Variants in TBC1D2B observed in about 807,000 individuals in gnomAD.
The protein encoded by TBC1D2B is TBC1 domain family, member 2B.
Under a neutral mutation model 100.8 loss-of-function variants are expected in TBC1D2B, and 64 were observed. The ratio of observed to expected loss-of-function variants is 0.64; its 90% confidence interval spans 0.52 to 0.78. TBC1D2B has a LOEUF of 0.78. TBC1D2B is among the 30% of genes least tolerant of loss of function. The pLI is 0.00. For missense variants in TBC1D2B, 1,052 were observed against 1,218.4 expected, an observed-to-expected ratio of 0.86 and a Z score of 2.03; for synonymous variants, 480 against 479.7, an observed-to-expected ratio of 1.00 and a Z score of -0.01.
chr15:78,077,696 G>A lies in TBC1D2B; in HGVS notation c.-44C>T, dbSNP rs1416703486. 8 of 982,154 alleles carry A rather than the reference G, an allele frequency of 8.1e-6. No homozygotes were observed. The highest frequency in any genetic ancestry group is 9.6e-6 in the Non-Finnish European group (8 of 829,492). 60.8% of individuals were successfully genotyped at this position (982,154 alleles called of 1,614,324 possible). A position where few individuals can be genotyped will look rare whatever the true frequency, so the allele number is the denominator to read the frequency against. ...GTAGGCGCCCGCGCCCTGCGCCTCC[G>A]CGCCGCGGCCGCTGCGCCCCCTACC... On this transcript the variant is annotated 5_prime_UTR_variant, in exon 1 of 13. Transcript: ENST00000300584.
chr15:78,069,971 C>A (rs1357306542), intron 1 of TBC1D2B, among the ~76,000 whole-genome samples: 1 of 152,212 alleles, frequency 6.6e-6, no homozygotes, highest in Non-Finnish European at 1.5e-5. Flanking sequence ...TTTTTCACAG[C>A]AGCACAAATG....
At chr15:78,070,034 C>A (rs1413550074) in intron 1 of TBC1D2B, among the ~76,000 whole-genome samples, 2 of 152,194 alleles carry the variant, frequency 1.3e-5, no homozygotes, top group Non-Finnish European at 2.9e-5. Flanking sequence ...ACCTATTTGT[C>A]AAACCCTGCT....
intron 4 of TBC1D2B, among the ~76,000 whole-genome samples, chr15:78,028,532 C>G (rs995402526): frequency 1.3e-5 from 2 of 152,172 alleles, no homozygotes; most frequent in Non-Finnish European, 2.9e-5. Flanking sequence ...GGCAAAAAGG[C>G]TGATGGAGAA....
chr15:78,039,878 A>G (rs1344909811), intron 3 of TBC1D2B, among the ~76,000 whole-genome samples: 1 of 152,060 alleles, frequency 6.6e-6, no homozygotes, highest in African/African-American at 2.4e-5. Flanking sequence ...GGATTCCAAA[A>G]CCTGGGCTGA....
intron 9 of TBC1D2B, 69 bp from the exon 10 acceptor site, chr15:78,009,183 C>A: frequency 8.6e-7 from 1 of 1,164,142 alleles, no homozygotes. Flanking sequence ...TCCACAGAGA[C>A]CATCTGCTTT....
intron 1 of TBC1D2B, among the ~76,000 whole-genome samples, chr15:78,071,389 T>C (rs966091810): frequency 9.2e-5 from 14 of 152,258 alleles, no homozygotes; most frequent in African/African-American, 3.1e-4. Context: ...ATTCTGTGGT[T>C]GTTTCTGTAC....
At chr15:78,053,996 C>T in intron 2 of TBC1D2B, 38 bp downstream of exon 2, 3 of 1,586,204 alleles carry the variant, frequency 1.9e-6, no homozygotes, top group Non-Finnish European at 8.5e-7. Flanking sequence ...ATGGCTTACA[C>T]AAAGAACTGA....
intron 6 of TBC1D2B, among the ~76,000 whole-genome samples, chr15:78,023,193 A>G (rs1483079517): frequency 2.6e-5 from 4 of 152,194 alleles, no homozygotes; most frequent in African/African-American, 9.7e-5. Context: ...CTCCATCCAG[A>G]GCCAAACACC....
chr15:77,995,279 C>G lies in TBC1D2B; in HGVS notation c.*2881G>C, dbSNP rs757643992. On this transcript the variant is annotated 3_prime_UTR_variant, in exon 13 of 13. Coordinates refer to ENST00000300584, the MANE Select transcript of TBC1D2B (RefSeq NM_144572.2). ...GGATCTGTGCAATACAAACATGTAGCTAGAAAACCCAACCGAGGATCTGTC... is the reference window on the plus strand; with the variant it reads ...GGATCTGTGCAATACAAACATGTAGGTAGAAAACCCAACCGAGGATCTGTC... 6.6e-6 allele frequency: 1 copy of G among 152,244 alleles called. No homozygotes were observed. The highest frequency in any genetic ancestry group is 1.5e-5 in the Non-Finnish European group (1 of 68,058). The allele number at this position is 152,244 out of a possible 1,614,324, so 9.4% of individuals were successfully genotyped here.
At chr15:78,028,243 G>A (rs1320209102) in intron 4 of TBC1D2B, among the ~76,000 whole-genome samples, 1 of 152,146 alleles carries the variant, frequency 6.6e-6, no homozygotes, top group African/African-American at 2.4e-5. Context: ...GGGAGACCGA[G>A]GTGGACAAAT....
chr15:78,077,157 G>A (rs2073841706), intron 1 of TBC1D2B, 136 bp downstream of exon 1: 2 of 1,203,822 alleles, frequency 1.7e-6, no homozygotes, highest in Non-Finnish European at 2.2e-6. Flanking sequence ...GGGATGTGGA[G>A]AAGCAGGGAA....
intron 1 of TBC1D2B, 27 bp downstream of exon 1, chr15:78,077,266 G>T: frequency 7.1e-7 from 1 of 1,407,894 alleles, no homozygotes; most frequent in Non-Finnish European, 9.2e-7. Context: ...GGAAGCGCGC[G>T]GGCGGCTTTG....
At chr15:78,057,504 G>A (rs1475146919) in intron 1 of TBC1D2B, among the ~76,000 whole-genome samples, 1 of 152,184 alleles carries the variant, frequency 6.6e-6, no homozygotes, top group Non-Finnish European at 1.5e-5. Context: ...AAATTAGCCA[G>A]GCGTGGTGGT....
Position 78,030,108 on chromosome 15 carries a change from T to A in TBC1D2B, c.746A>T (p.Tyr249Phe). 6.2e-7 allele frequency: 1 copy of A among 1,613,868 alleles called. No homozygotes were observed. The highest frequency in any genetic ancestry group is 8.5e-7 in the Non-Finnish European group (1 of 1,179,790). ...GHNDSRRTVF[Y>F]TNEEWELLDP... is the part of the protein sequence containing the mutation. The stretch of plus-strand genomic sequence containing the variant: ...TAAAAGTTCCCACTCTTCATTGGTA[T>A]AAAACACAGTCCTCCGACTATCATT... Residue 249 changes from tyrosine to phenylalanine, a missense_variant, in exon 4 of 13, where the codon TAT (tyrosine) becomes TTT (phenylalanine). Tyr to Phe is a conservative substitution (Grantham distance 22). Coordinates refer to ENST00000300584, the MANE Select transcript of TBC1D2B (RefSeq NM_144572.2).
rs143687516 is a variant in TBC1D2B, at chr15:78,022,889, T to C, written c.1470+1267A>G. On this transcript the variant is annotated intron_variant, in intron 6 of 12. Transcript: ENST00000300584. ...AAATAGTAGATATAAGTGTAAAGTATTGAGACCAGAGGTTTTCTTGTTGTT... is the reference window on the plus strand; with the variant it reads ...AAATAGTAGATATAAGTGTAAAGTACTGAGACCAGAGGTTTTCTTGTTGTT... Among the ~76,000 whole-genome samples the C allele has an allele frequency of 2.0e-5, 3 of 152,294 alleles. No individual in the cohort carries two copies. The East Asian group carries it at 5.8e-4, about 29-fold the overall frequency.
intron 3 of TBC1D2B, among the ~76,000 whole-genome samples, chr15:78,043,721 T>G (rs2073136385): frequency 6.6e-6 from 1 of 152,182 alleles, no homozygotes; most frequent in Admixed American, 6.5e-5. Flanking sequence ...GCCATTTATA[T>G]GAAATGTCCA....
rs2072772878 is a variant in TBC1D2B, at chr15:78,030,132, T to C, written c.722A>G (p.Asn241Ser). The change falls in exon 4 of 13, where the codon AAT (asparagine) becomes AGT (serine). Residue 241 changes from asparagine (N) to serine (S), a missense_variant. Around this residue, in one of 4 missense-constraint regions of TBC1D2B, gnomAD observed 627 missense variants for 646.1 expected, o/e 0.97. Transcript: ENST00000300584. Reference sequence around the variant, plus strand: ...ATAAAACACAGTCCTCCGACTATCATTATGTCCTCTCCCAGGACGGAAAGA... The same window carrying C: ...ATAAAACACAGTCCTCCGACTATCACTATGTCCTCTCCCAGGACGGAAAGA... The part of the protein sequence containing the change: ...MSSFRPGRGH[N>S]DSRRTVFYTN... The C allele has an allele frequency of 1.9e-6, 3 of 1,613,664 alleles. No homozygotes were observed. Among genetic ancestry groups the C allele is most frequent in the Non-Finnish European group, 1.7e-6 (2 of 1,179,736 alleles).
chr15:77,999,482 G>A (rs1439802094), intron 12 of TBC1D2B: 21 of 299,738 alleles, frequency 7.0e-5, no homozygotes, highest in Non-Finnish European at 1.2e-4. Flanking sequence ...TCTGGAACAC[G>A]GGAGCACCAG....
intron 3 of TBC1D2B, among the ~76,000 whole-genome samples, chr15:78,043,055 T>C (rs1021249081): frequency 3.9e-5 from 6 of 152,196 alleles, no homozygotes; most frequent in African/African-American, 9.7e-5. Flanking sequence ...ACCCCTGACA[T>C]TCAGCTCCAA....
Sources: allele counts gnomAD v4.1 joint callset (sites outside exome capture counted in the v4.1 genomes callset), GRCh38; gene constraint gnomAD v4.1.1; regional missense constraint gnomAD v4.1.1; transcripts MANE v1.5; gene names NCBI Gene and HGNC (gene_info 2026-07-23, HGNC 2026-07-21).